The following IRAG1 variants were observed in gnomAD, a reference collection of about 807,000 sequenced individuals.
IRAG1 encodes the protein inositol 1,4,5-triphosphate receptor associated 1.
IRAG1 carries 62 observed loss-of-function variants against 106.2 expected under a neutral mutation model. The observed-to-expected ratio is 0.58, with a 90% CI of 0.48 to 0.72. The LOEUF (loss-of-function observed/expected upper bound fraction) is 0.72. Among genes scored for constraint, IRAG1 ranks in the 30% least tolerant of loss-of-function variants. The pLI is 0.00. For synonymous variants in IRAG1, 462 were observed against 443.9 expected (o/e 1.04, Z -0.51); for missense variants, 1,064 against 1,140.7 (o/e 0.93, Z 0.97).
chr11:10,602,648 C>T (rs998297986), intron 14 of IRAG1, among the ~76,000 whole-genome samples: 5 of 152,036 alleles, frequency 3.3e-5, no homozygotes, highest in African/African-American at 1.2e-4. Flanking sequence ...TATAGGGTTG[C>T]TGGGTGGATT....
At chr11:10,653,735 T>C (rs144231865) in intron 1 of IRAG1, among the ~76,000 whole-genome samples, 2 of 152,232 alleles carry the variant, frequency 1.3e-5, no homozygotes, top group Non-Finnish European at 2.9e-5. Context: ...CAGTTCACAG[T>C]AGTTCCCACA....
At chr11:10,643,900 A>C (rs1857738791) in intron 2 of IRAG1, among the ~76,000 whole-genome samples, 1 of 152,232 alleles carries the variant, frequency 6.6e-6, no homozygotes, top group Non-Finnish European at 1.5e-5. Flanking sequence ...CATTGCTCAC[A>C]ATAGGAACTA....
chr11:10,671,435 G>A (rs1447986074), intron 1 of IRAG1, among the ~76,000 whole-genome samples: 1 of 152,156 alleles, frequency 6.6e-6, no homozygotes, highest in African/African-American at 2.4e-5. Flanking sequence ...CGGCTGGCCG[G>A]GTGTGGTAGC....
intron 10 of IRAG1, among the ~76,000 whole-genome samples, chr11:10,614,212 G>A (rs1017397636): frequency 1.3e-5 from 2 of 152,080 alleles, no homozygotes; most frequent in African/African-American, 4.8e-5. Context: ...GGCTCTGTAT[G>A]ATGTGCCACA....
At chr11:10,664,796 A>G (rs2135048155) in intron 1 of IRAG1, among the ~76,000 whole-genome samples, 1 of 152,320 alleles carries the variant, frequency 6.6e-6, no homozygotes, top group South Asian at 2.1e-4. Context: ...CTTGAGTTCC[A>G]GAGGGTGAAA....
In IRAG1 at chr11:10,605,267, C is replaced by T. The variant is rs968296351; in HGVS notation, c.1603-722G>A. Among the ~76,000 whole-genome samples, 3 of 152,342 alleles carry T rather than the reference C, an allele frequency of 2.0e-5. No individual in the cohort carries two copies. The East Asian group carries it at 5.8e-4, about 29-fold the overall frequency. On this transcript the variant is annotated intron_variant, in intron 12 of 20. Coordinates refer to ENST00000423302, the MANE Select transcript of IRAG1 (RefSeq NM_130385.4). ...CCTCACTCAGGAAGGAAGCAATGGT[C>T]TTCAATTTTACAGCCATCATCTGCC...
chr11:10,599,243 GTGAC>G (rs1223616232), intron 15 of IRAG1, among the ~76,000 whole-genome samples: 1 of 152,176 alleles, frequency 6.6e-6, no homozygotes, highest in African/African-American at 2.4e-5. Context: ...CTTTGGGTCT[GTGAC>G]TGTGTGCCCT....
intron 18 of IRAG1, among the ~76,000 whole-genome samples, chr11:10,590,496 T>C (rs1852522275): frequency 6.6e-6 from 1 of 152,178 alleles, no homozygotes. Flanking sequence ...ACAGGTTCCC[T>C]GCCAGATAGC....
At chr11:10,636,681 T>C (rs1857169180) in intron 2 of IRAG1, among the ~76,000 whole-genome samples, 1 of 151,994 alleles carries the variant, frequency 6.6e-6, no homozygotes, top group African/African-American at 2.4e-5. Flanking sequence ...ATAATAAATA[T>C]AAGGAAACAA....
chr11:10,642,483 C>CA (rs1857585312), intron 2 of IRAG1, among the ~76,000 whole-genome samples: 1 of 152,160 alleles, frequency 6.6e-6, no homozygotes, highest in Non-Finnish European at 1.5e-5. Flanking sequence ...CTCAGGCAGG[C>CA]ATGGGGGGTT....
rs538386506 is a variant in IRAG1, at chr11:10,685,363, C to A, written c.67+8173G>T. ...CTTGGGAGGCAGAGGTTGCAGTGAG[C>A]CGAGATCGCACCACTGTACTTCAGC... On this transcript the variant is annotated intron_variant, in intron 1 of 20. Coordinates refer to ENST00000423302, the MANE Select transcript of IRAG1 (RefSeq NM_130385.4). Among the ~76,000 whole-genome samples the A allele has an allele frequency of 4.0e-5, 6 of 151,020 alleles. No individual in the cohort carries two copies. The East Asian group carries it at 1.2e-3, about 29-fold the overall frequency.
At chr11:10,677,132 C>G (rs150421502) in intron 1 of IRAG1, among the ~76,000 whole-genome samples, 2 of 152,312 alleles carry the variant, frequency 1.3e-5, no homozygotes, top group Non-Finnish European at 2.9e-5. Flanking sequence ...TCCATGCATA[C>G]TCTGTGCCCC....
At chr11:10,602,581 G>A (rs1208469163) in intron 14 of IRAG1, among the ~76,000 whole-genome samples, 3 of 152,192 alleles carry the variant, frequency 2.0e-5, no homozygotes, top group Admixed American at 6.5e-5. Context: ...GCCCCGCTCC[G>A]CCACTAACGC....
Position 10,591,723 on chromosome 11 carries a change from C to T in IRAG1, c.2176-111G>A, listed in dbSNP as rs111374991. On this transcript the variant is annotated intron_variant, in intron 17 of 20. Coordinates refer to ENST00000423302, the MANE Select transcript of IRAG1 (RefSeq NM_130385.4). ...GCGGGGCTGCTGCTTCTCCTCTTTC[C>T]TCCATGCCCCCACTTTCCAATCTTC... 2.5e-3 allele frequency: 2,391 copies of T among 946,626 alleles called. 43 individuals carry two copies. The African/African-American group carries it at 0.034, about 14-fold the overall frequency. The allele number at this position is 946,626 out of a possible 1,614,324, so 58.6% of individuals were successfully genotyped here.
chr11:10,644,359 G>C (rs1857774672), intron 2 of IRAG1, among the ~76,000 whole-genome samples: 1 of 152,168 alleles, frequency 6.6e-6, no homozygotes, highest in African/African-American at 2.4e-5. Flanking sequence ...TTGTATACCA[G>C]ATACTAATAT....
chr11:10,626,189 G>T lies in IRAG1; in HGVS notation c.1145C>A (p.Pro382His). ...PEAGSKAELP[P>H]TVSRPPLLRG... ...CAGCAGCGGGGGCCGGGACACAGTGGGTGGAAGCTCAGCTTTGGAGCCAGC... is the reference window on the plus strand; with the variant it reads ...CAGCAGCGGGGGCCGGGACACAGTGTGTGGAAGCTCAGCTTTGGAGCCAGC... Residue 382 changes from proline (P) to histidine (H), a missense_variant, in exon 9 of 21, where the codon CCC becomes CAC. Coordinates refer to ENST00000423302, the MANE Select transcript of IRAG1 (RefSeq NM_130385.4). The T allele has an allele frequency of 6.4e-7, 1 of 1,564,198 alleles. No individual in the cohort carries two copies. Among genetic ancestry groups the T allele is most frequent in the Non-Finnish European group, 8.7e-7 (1 of 1,153,178 alleles).
intron 10 of IRAG1, among the ~76,000 whole-genome samples, chr11:10,617,977 G>T (rs1855556062): frequency 6.6e-6 from 1 of 152,160 alleles, no homozygotes; most frequent in Admixed American, 6.5e-5. Context: ...TGATCCTGAT[G>T]CTTCCTTACC....
At position 10,576,506 on chromosome 11, in the gene IRAG1, G is replaced by T; in HGVS notation, c.2565C>A (p.Ile855=). The change falls in exon 21 of 21, where the codon ATC becomes ATA. Residue 855 remains isoleucine, a synonymous_variant. Transcript: ENST00000423302. ...CCAGCATCACTGCAGCCATCATCCA[G>T]ATCACTTGCCAGTGCTGACACAGTT... The part of the protein sequence containing the change: ...YPKLCQHWQV[I]WMMAAVMLVL... The T allele has an allele frequency of 6.2e-7, 1 of 1,613,988 alleles. No homozygotes were observed. Among genetic ancestry groups the T allele is most frequent in the Non-Finnish European group, 8.5e-7 (1 of 1,179,884 alleles).
At chr11:10,580,769 A>G (rs979425730) in intron 19 of IRAG1, among the ~76,000 whole-genome samples, 180 bp from the exon 20 acceptor site, 8 of 152,154 alleles carry the variant, frequency 5.3e-5, no homozygotes, top group African/African-American at 1.9e-4. Context: ...CGCCAGTACC[A>G]TTTCCCCTCA....
Sources: allele counts gnomAD v4.1 joint callset (sites outside exome capture counted in the v4.1 genomes callset), GRCh38; gene constraint gnomAD v4.1.1; transcripts MANE v1.5; gene names NCBI Gene and HGNC (gene_info 2026-07-23, HGNC 2026-07-21).